NEB: variants seen among roughly 807,000 people sequenced by gnomAD.
NEB encodes the protein nemaline myopathy type 2.
NEB carries 512 observed loss-of-function variants against 952.2 expected under a neutral mutation model. The observed-to-expected ratio is 0.54, with a 90% CI of 0.50 to 0.58. The LOEUF (loss-of-function observed/expected upper bound fraction) is 0.58. NEB is among the 20% of genes least tolerant of loss of function. NEB has a pLI of 0.00. For synonymous variants in NEB, 2,900 were observed against 3,149.8 expected, an observed-to-expected ratio of 0.92 and a Z score of 2.66; for missense variants, 8,428 against 9,231.1, an observed-to-expected ratio of 0.91 and a Z score of 3.56.
intron 20 of NEB, 42 bp from the exon 21 acceptor site, chr2:151,692,404 T>A: frequency 2.8e-6 from 4 of 1,415,716 alleles, no homozygotes; most frequent in Non-Finnish European, 3.9e-6. Flanking sequence ...GAAAGAAATA[T>A]ATATCTCATA....
Position 151,633,937 on chromosome 2 carries a change from T to C in NEB, c.9131A>G (p.Gln3044Arg), listed in dbSNP as rs2154081382. 9 of 1,613,718 alleles carry C rather than the reference T, an allele frequency of 5.6e-6. No individual in the cohort carries two copies. Among genetic ancestry groups the C allele is most frequent in the Middle Eastern group, 3.3e-4 (2 of 6,060 alleles). The change falls in exon 65 of 182, where the codon CAA becomes CGA. Residue 3044 changes from glutamine to arginine, a missense_variant. Gln to Arg is a conservative substitution (Grantham distance 43). This residue lies in a region of NEB where 1,772 missense variants were observed against 1,960.3 expected (regional missense o/e 0.90). Coordinates refer to ENST00000397345, the MANE Select transcript of NEB (RefSeq NM_001164508.2). Reference sequence around the variant, plus strand: ...CCGGGCTCCAATATGGTGGCCAAGTTGCTTGCAGTAACCATCTTTATATTT... The same window carrying C: ...CCGGGCTCCAATATGGTGGCCAAGTCGCTTGCAGTAACCATCTTTATATTT... The part of the protein sequence containing the change: ...DYKYKDGYCK[Q>R]LGHHIGARNI...
In NEB at chr2:151,513,623, G is replaced by T. The variant is rs372387518; in HGVS notation, c.23198C>A (p.Pro7733Gln). 1 of 1,610,314 alleles carries T rather than the reference G, an allele frequency of 6.2e-7. No homozygotes were observed. Among genetic ancestry groups the T allele is most frequent in the East Asian group, 2.2e-5 (1 of 44,828 alleles). The change falls in exon 160 of 182, where the codon CCG becomes CAG. Residue 7733 changes from proline to glutamine, a missense_variant. Pro to Gln is a moderately conservative substitution (Grantham distance 76, BLOSUM62 -1). This residue lies in a region of NEB where 3,374 missense variants were observed against 3,651.5 expected (regional missense o/e 0.92). Coordinates refer to ENST00000397345, the MANE Select transcript of NEB (RefSeq NM_001164508.2). ...AGCATTCCTGGCCCTCATAAAATCC[G>T]GAGTTTCATTGGCCATGGCATTCAG... Reference protein sequence around the residue: ...RGLNAMANETPDFMRARNATD... With the variant: ...RGLNAMANETQDFMRARNATD...
chr2:151,506,395 A>G, intron 163 of NEB, 137 bp from the exon 164 acceptor site: 1 of 659,430 alleles, frequency 1.5e-6, no homozygotes, highest in Non-Finnish European at 2.7e-6. Context: ...AGAGCATCGC[A>G]CCTGACATTT....
intron 80 of NEB, 61 bp downstream of exon 80, chr2:151,610,455 G>T: frequency 7.7e-7 from 1 of 1,305,110 alleles, no homozygotes; most frequent in Non-Finnish European, 1.1e-6. Context: ...TGGTTCACCA[G>T]CCACCCTCTG....
chr2:151,645,641 T>C (rs2098947370), intron 55 of NEB, among the ~76,000 whole-genome samples: 1 of 152,228 alleles, frequency 6.6e-6, no homozygotes. Flanking sequence ...TCTATTAGAA[T>C]TTAGAATTTG....
intron 143 of NEB, 38 bp downstream of exon 143, chr2:151,533,404 C>T: frequency 7.1e-7 from 1 of 1,401,402 alleles, no homozygotes; most frequent in African/African-American, 1.4e-5. Flanking sequence ...TCCAAGACTT[C>T]TTCTAAACCT....
At chr2:151,691,827 C>G in intron 23 of NEB, 37 bp downstream of exon 23, 2 of 1,430,020 alleles carry the variant, frequency 1.4e-6, no homozygotes, top group African/African-American at 1.4e-5. Flanking sequence ...ACAGGAATCC[C>G]AAGCTCAATT....
At chr2:151,548,091 A>T (rs1012220526) in intron 131 of NEB, among the ~76,000 whole-genome samples, 3 of 152,226 alleles carry the variant, frequency 2.0e-5, no homozygotes, top group Non-Finnish European at 4.4e-5. Flanking sequence ...AAAGTTTTGC[A>T]TCATAATCTA....
chr2:151,491,645 G>A (rs1402311621), intron 179 of NEB, 38 bp downstream of exon 179: 1 of 1,443,434 alleles, frequency 6.9e-7, no homozygotes. Context: ...ATACTAAATG[G>A]TGATGTTTAT....
chr2:151,719,156 T>C (rs1486690852), intron 9 of NEB, among the ~76,000 whole-genome samples: 2 of 152,204 alleles, frequency 1.3e-5, no homozygotes, highest in Non-Finnish European at 2.9e-5. Flanking sequence ...ACATGTCTCT[T>C]TCCTCTTGAC....
At chr2:151,644,628 T>C (rs2098930579) in intron 55 of NEB, 53 bp from the exon 56 acceptor site, 3 of 1,393,278 alleles carry the variant, frequency 2.2e-6, no homozygotes, top group Admixed American at 1.7e-5. Context: ...TAGACAAATA[T>C]AGCATAATGA....
chr2:151,532,832 A>C (rs1250744990), intron 143 of NEB, among the ~76,000 whole-genome samples: 2 of 152,172 alleles, frequency 1.3e-5, no homozygotes, highest in Non-Finnish European at 2.9e-5. Flanking sequence ...TGCTGCATCA[A>C]ATTTACCTTT....
Position 151,656,224 on chromosome 2 carries a change from G to C in NEB, c.6424C>G (p.His2142Asp). Residue 2142 changes from histidine (H) to aspartate (D), a missense_variant, in exon 49 of 182, where the codon CAC (histidine) becomes GAC (aspartate). Physicochemically the swap from His to Asp is moderately conservative, Grantham distance 81 (BLOSUM62 -1). Around this residue, in one of 11 missense-constraint regions of NEB, gnomAD observed 2,851 missense variants for 2,791.5 expected, o/e 1.02. Coordinates refer to ENST00000397345, the MANE Select transcript of NEB (RefSeq NM_001164508.2). The stretch of plus-strand genomic sequence containing the variant: ...GCATCTGGAAGGAGGATGTACTTGT[G>C]AATCAGGTGCTTGTAGTTAGTGTTG... ...ITNTNYKHLI[H>D]KYILLPDAMN... 2 of 1,612,982 alleles carry C rather than the reference G, an allele frequency of 1.2e-6. No homozygotes were observed. The highest frequency in any genetic ancestry group is 1.7e-6 in the Non-Finnish European group (2 of 1,179,322).
At position 151,685,235 on chromosome 2, in the gene NEB, C is replaced by G. The variant is rs921585588; in HGVS notation, c.2638-260G>C. On this transcript the variant is annotated intron_variant, in intron 27 of 181. Coordinates refer to ENST00000397345, the MANE Select transcript of NEB (RefSeq NM_001164508.2). The stretch of plus-strand genomic sequence containing the variant: ...CCACAGCTTCTGCTTCAGTCAGGAA[C>G]AGGAATGATTTTATTCTAAACCAGG... 5.3e-5 allele frequency among the ~76,000 whole-genome samples: 8 copies of G among 152,286 alleles called. 1 individual carries two copies. Among genetic ancestry groups the G allele is most frequent in the Middle Eastern group, 6.8e-3 (2 of 294 alleles).
At chr2:151,534,416 T>C in intron 142 of NEB, 1 of 1,007,638 alleles carries the variant, frequency 9.9e-7, no homozygotes. Flanking sequence ...GAACATGTCA[T>C]CTCTAGTGGC....
At chr2:151,617,117 A>AAG (rs1055331679) in intron 75 of NEB, among the ~76,000 whole-genome samples, 5 of 152,330 alleles carry the variant, frequency 3.3e-5, no homozygotes, top group Admixed American at 1.3e-4. Flanking sequence ...AAGGTTTTAA[A>AAG]AGTATAATTC....
intron 39 of NEB, 83 bp from the exon 40 acceptor site, chr2:151,667,994 C>T: frequency 9.2e-7 from 1 of 1,088,470 alleles, no homozygotes; most frequent in Non-Finnish European, 1.4e-6. Context: ...TCTTATAAAA[C>T]ATGTCGTAAT....
intron 9 of NEB, among the ~76,000 whole-genome samples, chr2:151,719,460 T>C (rs1307289416): frequency 1.3e-5 from 2 of 152,250 alleles, no homozygotes; most frequent in Non-Finnish European, 2.9e-5. Flanking sequence ...TCTAACTGTA[T>C]CTTATCCCAA....
rs930949014 is a variant in NEB, at chr2:151,614,180, G to A, written c.11601+96C>T. On this transcript the variant is annotated intron_variant, in intron 77 of 181. Coordinates refer to ENST00000397345, the MANE Select transcript of NEB (RefSeq NM_001164508.2). ...TTTCAGAACATTATCCTAAAGAGGTGTCTGTAGGTTTCACCAGACTGTGGA... is the reference window on the plus strand; with the variant it reads ...TTTCAGAACATTATCCTAAAGAGGTATCTGTAGGTTTCACCAGACTGTGGA... 1.3e-5 allele frequency: 18 copies of A among 1,359,484 alleles called. No individual in the cohort carries two copies. In the Admixed American group the frequency reaches 1.7e-4, roughly 13 times the overall value. 84.2% of individuals were successfully genotyped at this position (1,359,484 alleles called of 1,614,324 possible). A position where few individuals can be genotyped will look rare whatever the true frequency, so the allele number is the denominator to read the frequency against.
Sources: gnomAD v4.1 joint callset for allele counts (sites outside exome capture counted in the v4.1 genomes callset) on GRCh38, gnomAD v4.1.1 for gene constraint, gnomAD v4.1.1 regional missense constraint, MANE v1.5 for transcripts, NCBI Gene and HGNC (gene_info 2026-07-23, HGNC 2026-07-21) for gene names.